Variants in STIM1 observed in about 807,000 individuals in gnomAD.
STIM1 encodes the protein stromal interaction molecule 1.
STIM1 carries 25 observed loss-of-function variants against 74.7 expected under a neutral mutation model. The observed-to-expected ratio is 0.33, with a 90% CI of 0.24 to 0.47. The LOEUF (loss-of-function observed/expected upper bound fraction) is 0.47. STIM1 is among the 20% of genes least tolerant of loss of function. STIM1 has a pLI of 1.00. For synonymous variants in STIM1, 328 were observed against 348.8 expected (o/e 0.94, Z 0.66); for missense variants, 728 against 920.8 (o/e 0.79, Z 2.71).
chr11:3,989,151 G>T, intron 2 of STIM1: 5 of 1,267,462 alleles, frequency 3.9e-6, no homozygotes, highest in South Asian at 1.2e-5. Context: ...TGTATGATGT[G>T]TGGTATTATT....
At chr11:3,976,406 G>C (rs566086892) in intron 2 of STIM1, among the ~76,000 whole-genome samples, 85 of 152,232 alleles carry the variant, frequency 5.6e-4, no homozygotes, top group African/African-American at 1.9e-3. Flanking sequence ...GACTACAAGG[G>C]GAAAGCATGG....
rs182439704 is a variant in STIM1 at position 3,886,414 on chromosome 11, C to A, written c.139+30005C>A. Among the ~76,000 whole-genome samples, 3 of 151,998 alleles carry A rather than the reference C, an allele frequency of 2.0e-5. No individual in the cohort carries two copies. The East Asian group carries it at 5.8e-4, about 29-fold the overall frequency. ...CTATAAGAAGAGAGACTTGGCTGGG[C>A]GCGGTGGCTCACGCCTGTCATCCCA... On this transcript the variant is annotated intron_variant, in intron 1 of 12. Transcript: ENST00000526596.
chr11:4,036,663 G>A (rs1174549338), intron 3 of STIM1, among the ~76,000 whole-genome samples: 1 of 152,198 alleles, frequency 6.6e-6, no homozygotes, highest in Non-Finnish European at 1.5e-5. Context: ...CTTTTGAGAA[G>A]TATCTGTTCA....
chr11:3,895,934 T>C (rs2092151313), intron 1 of STIM1, among the ~76,000 whole-genome samples: 1 of 149,126 alleles, frequency 6.7e-6, no homozygotes, highest in Admixed American at 6.7e-5. Flanking sequence ...AGATGGAGTC[T>C]TGCTCTGTTG....
chr11:3,955,558 A>G (rs2093201877), intron 1 of STIM1, among the ~76,000 whole-genome samples: 1 of 152,196 alleles, frequency 6.6e-6, no homozygotes, highest in Admixed American at 6.5e-5. Context: ...TTTCAGTGGT[A>G]GTTACATGAA....
At chr11:3,867,639 A>G (rs893634399) in intron 1 of STIM1, among the ~76,000 whole-genome samples, 2 of 152,252 alleles carry the variant, frequency 1.3e-5, no homozygotes, top group African/African-American at 4.8e-5. Context: ...CAGCCTGAGC[A>G]GGCATCACAT....
At chr11:3,964,727 C>CT (rs796758787) in intron 1 of STIM1, among the ~76,000 whole-genome samples, 2,298 of 142,044 alleles carry the variant, frequency 0.016, 24 homozygotes, top group South Asian at 0.026. Context: ...TTCTTTAATT[C>CT]TTTTTTTTTT....
intron 3 of STIM1, among the ~76,000 whole-genome samples, chr11:4,027,962 A>T (rs1209225704): frequency 3.3e-5 from 5 of 152,222 alleles, no homozygotes; most frequent in African/African-American, 1.2e-4. Flanking sequence ...GATGGGAGGC[A>T]CTGACCTAAG....
At chr11:3,977,727 T>G (rs928382589) in intron 2 of STIM1, among the ~76,000 whole-genome samples, 2 of 152,168 alleles carry the variant, frequency 1.3e-5, no homozygotes, top group African/African-American at 4.8e-5. Context: ...GCTATACAAC[T>G]TTAGGCAAAT....
At chr11:4,055,444 T>C (rs1451202567) in intron 3 of STIM1, 82 bp from the exon 4 acceptor site, 2 of 1,053,510 alleles carry the variant, frequency 1.9e-6, no homozygotes, top group Non-Finnish European at 2.9e-6. Flanking sequence ...ACAAATGTGG[T>C]AAATATTAAG....
intron 12 of STIM1, 136 bp from the exon 13 acceptor site, chr11:4,091,146 C>G (rs2094522044): frequency 8.3e-7 from 1 of 1,211,530 alleles, no homozygotes; most frequent in Non-Finnish European, 1.2e-6. Context: ...CATCCTATTT[C>G]TCTCTCCTGC....
intron 7 of STIM1, among the ~76,000 whole-genome samples, 163 bp downstream of exon 7, chr11:4,074,842 A>G (rs191270803): frequency 6.6e-5 from 10 of 152,348 alleles, no homozygotes; most frequent in African/African-American, 2.2e-4. Flanking sequence ...CAAGTTGTAA[A>G]AAATAGTCAC....
intron 1 of STIM1, among the ~76,000 whole-genome samples, chr11:3,933,029 G>C (rs2092888894): frequency 4.6e-5 from 7 of 152,180 alleles, no homozygotes; most frequent in Admixed American, 4.6e-4. Context: ...AGAGCTTTGT[G>C]TCCTTGGTGT....
chr11:4,027,653 C>T (rs1009202957), intron 3 of STIM1, among the ~76,000 whole-genome samples: 1 of 152,132 alleles, frequency 6.6e-6, no homozygotes, highest in African/African-American at 2.4e-5. Flanking sequence ...TATGACCCAG[C>T]TTTATTCATT....
intron 1 of STIM1, among the ~76,000 whole-genome samples, chr11:3,930,830 G>A (rs2092850640): frequency 6.6e-6 from 1 of 152,172 alleles, no homozygotes; most frequent in Non-Finnish European, 1.5e-5. Flanking sequence ...CCTTAGGGCC[G>A]AGCAGACAGT....
In STIM1 at chr11:3,868,511, G is replaced by A. The variant is rs185677722; in HGVS notation, c.139+12102G>A. On this transcript the variant is annotated intron_variant, in intron 1 of 12. Transcript: ENST00000526596. ...ATAACTTGGTGTGGGGTGGGGTGGC[G>A]GGGAAGAAACAGCTATCTGAGTTTA... Among the ~76,000 whole-genome samples, 9 of 152,284 alleles carry A rather than the reference G, an allele frequency of 5.9e-5. No homozygotes were observed. In the East Asian group the frequency reaches 1.2e-3, roughly 20 times the overall value.
At position 4,070,211 on chromosome 11, in the gene STIM1, C is replaced by CT; in HGVS notation, c.791+9dup. 2.5e-6 allele frequency: 4 copies of CT among 1,613,674 alleles called. No homozygotes were observed. The highest frequency in any genetic ancestry group is 3.4e-6 in the Non-Finnish European group (4 of 1,180,000). ...GCATGACCTTCAGGAAAGGTAAGGCCTGCCCCTTCAGGAAAGGTGAGGCCC... is the reference window on the plus strand; with the variant it reads ...GCATGACCTTCAGGAAAGGTAAGGCCTTGCCCCTTCAGGAAAGGTGAGGCCC... On this transcript the variant is annotated intron_variant, in intron 6 of 12. Coordinates refer to ENST00000526596, the MANE Select transcript of STIM1 (RefSeq NM_001382567.1).
chr11:3,982,663 T>C (rs545690523), intron 2 of STIM1, among the ~76,000 whole-genome samples: 1 of 152,300 alleles, frequency 6.6e-6, no homozygotes, highest in East Asian at 1.9e-4. Context: ...TTATTGTAAC[T>C]CAGATGTGCC....
At chr11:3,957,775 A>T (rs2093234753) in intron 1 of STIM1, among the ~76,000 whole-genome samples, 1 of 152,110 alleles carries the variant, frequency 6.6e-6, no homozygotes, top group Admixed American at 6.5e-5. Flanking sequence ...TGTGTGGACC[A>T]GGCTGATTTT....
Sources: allele counts gnomAD v4.1 joint callset (sites outside exome capture counted in the v4.1 genomes callset), GRCh38; gene constraint gnomAD v4.1.1; transcripts MANE v1.5; gene names NCBI Gene and HGNC (gene_info 2026-07-23, HGNC 2026-07-21).